HIKESHI: variants seen among roughly 807,000 people sequenced by gnomAD.
HIKESHI encodes protein Hikeshi.
A neutral mutation model predicts 25.7 loss-of-function variants in HIKESHI; 13 were observed. That is an observed-to-expected ratio of 0.51 (90% CI 0.33 to 0.80). The LOEUF is 0.80. Among genes scored for constraint, HIKESHI ranks in the 30% least tolerant of loss-of-function variants. The probability of loss-of-function intolerance (pLI) is 0.02; values close to 1 mark genes in which losing one functional copy is unlikely to be tolerated. For missense variants in HIKESHI, 174 were observed against 229.5 expected (o/e 0.76, Z 1.56); for synonymous variants, 76 against 78.7 (o/e 0.97, Z 0.18).
intron 2 of HIKESHI, among the ~76,000 whole-genome samples, chr11:86,329,115 T>C (rs1396634099): frequency 6.6e-6 from 1 of 152,032 alleles, no homozygotes; most frequent in East Asian, 1.9e-4. Context: ...AGATACATTC[T>C]TATGTTTAGG....
In HIKESHI at chr11:86,306,455, A is replaced by G. The variant is rs140650657; in HGVS notation, c.241A>G (p.Ile81Val). ...GFVTNGKPSA[I>V]FKISGLKSGE... ...TGTCACGAATGGGAAGCCAAGTGCC[A>G]TCTTCAAAATTTCAGGTCTTAAATC... The change falls in exon 2 of 5, where the codon ATC becomes GTC. Residue 81 changes from isoleucine (I) to valine (V), a missense_variant. Physicochemically the swap from Ile to Val is conservative, Grantham distance 29 (BLOSUM62 3). Coordinates refer to ENST00000278483, the MANE Select transcript of HIKESHI (RefSeq NM_016401.4). 12 of 1,610,262 alleles carry G rather than the reference A, an allele frequency of 7.5e-6. No individual in the cohort carries two copies. Among genetic ancestry groups the G allele is most frequent in the Non-Finnish European group, 1.0e-5 (12 of 1,176,858 alleles).
intron 2 of HIKESHI, among the ~76,000 whole-genome samples, chr11:86,312,672 C>A (rs1475533389): frequency 6.6e-6 from 1 of 152,034 alleles, no homozygotes; most frequent in African/African-American, 2.4e-5. Flanking sequence ...TTTACAATTT[C>A]CATGTTTTTG....
chr11:86,327,043 A>G (rs1181570133), intron 2 of HIKESHI, among the ~76,000 whole-genome samples: 1 of 152,180 alleles, frequency 6.6e-6, no homozygotes, highest in African/African-American at 2.4e-5. Context: ...GTGGGTCAAC[A>G]TAGTGAGATC....
intron 2 of HIKESHI, among the ~76,000 whole-genome samples, chr11:86,334,522 A>T (rs1417196749): frequency 1.3e-5 from 2 of 152,154 alleles, no homozygotes; most frequent in Non-Finnish European, 2.9e-5. Context: ...ACTAGGTCAT[A>T]TATTTTGCTT....
chr11:86,336,538 C>T (rs534886563), intron 2 of HIKESHI, among the ~76,000 whole-genome samples: 18 of 152,264 alleles, frequency 1.2e-4, no homozygotes. Flanking sequence ...AATGGTCCTT[C>T]ACCAGATACC....
intron 2 of HIKESHI, among the ~76,000 whole-genome samples, chr11:86,316,149 C>T (rs1463530747): frequency 6.7e-6 from 1 of 150,034 alleles, no homozygotes; most frequent in Non-Finnish European, 1.5e-5. Flanking sequence ...GTGCACCTTC[C>T]CTATCATTAG....
chr11:86,341,108 G>T (rs1262737819), intron 3 of HIKESHI, among the ~76,000 whole-genome samples: 3 of 152,054 alleles, frequency 2.0e-5, no homozygotes, highest in Non-Finnish European at 4.4e-5. Context: ...CTTAAAATCT[G>T]TTAGTTTTTC....
chr11:86,308,388 AAT>A (rs1407048853), intron 2 of HIKESHI, among the ~76,000 whole-genome samples: 1 of 139,982 alleles, frequency 7.1e-6, no homozygotes, highest in African/African-American at 2.6e-5. Flanking sequence ...ATATATAAAA[AAT>A]ATATACACAC....
chr11:86,332,433 A>G (rs984306652), intron 2 of HIKESHI, among the ~76,000 whole-genome samples: 2 of 151,618 alleles, frequency 1.3e-5, no homozygotes, highest in African/African-American at 4.8e-5. Context: ...AACAGAGAGG[A>G]AAAAAAAATA....
intron 2 of HIKESHI, among the ~76,000 whole-genome samples, chr11:86,307,678 A>T (rs1275838081): frequency 2.7e-5 from 1 of 37,358 alleles, no homozygotes; most frequent in African/African-American, 1.2e-4. Context: ...ACATTATATA[A>T]AATATATATT....
intron 2 of HIKESHI, among the ~76,000 whole-genome samples, chr11:86,323,395 T>C (rs1426533315): frequency 2.6e-5 from 4 of 152,160 alleles, no homozygotes; most frequent in African/African-American, 4.8e-5. Flanking sequence ...TAAATACTTA[T>C]ATCTATATAA....
At chr11:86,345,014 C>A (rs1947835932) in intron 4 of HIKESHI, 9 of 603,858 alleles carry the variant, frequency 1.5e-5, no homozygotes, top group Non-Finnish European at 1.9e-5. Context: ...TTAGAAGTAC[C>A]ATCTATGAGA....
chr11:86,344,141 A>G (rs2138437468), intron 3 of HIKESHI: 1 of 152,544 alleles, frequency 6.6e-6, no homozygotes, highest in East Asian at 1.9e-4. Context: ...AGAGATGGTT[A>G]CTATTTTATA....
chr11:86,327,029 T>G (rs1947298894), intron 2 of HIKESHI, among the ~76,000 whole-genome samples: 1 of 152,130 alleles, frequency 6.6e-6, no homozygotes, highest in African/African-American at 2.4e-5. Flanking sequence ...AGTTTGAGAC[T>G]GGCGTGGGTC....
At chr11:86,317,734 G>T (rs935870419) in intron 2 of HIKESHI, among the ~76,000 whole-genome samples, 4 of 151,784 alleles carry the variant, frequency 2.6e-5, no homozygotes, top group Admixed American at 2.0e-4. Context: ...GAGCCAGGGA[G>T]GCAGAGGTTG....
intron 2 of HIKESHI, among the ~76,000 whole-genome samples, chr11:86,331,680 A>G (rs1021978679): frequency 6.6e-6 from 1 of 152,204 alleles, no homozygotes; most frequent in Non-Finnish European, 1.5e-5. Flanking sequence ...CCTTTCAGAC[A>G]TACTATGGTA....
intron 1 of HIKESHI, among the ~76,000 whole-genome samples, chr11:86,305,564 TTAG>T (rs1449472776): frequency 6.6e-6 from 1 of 151,310 alleles, no homozygotes; most frequent in Admixed American, 6.6e-5. Flanking sequence ...TTTCGTATTT[TTAG>T]TAGAAATGGG....
intron 2 of HIKESHI, among the ~76,000 whole-genome samples, chr11:86,306,795 G>A (rs954072375): frequency 2.6e-5 from 4 of 151,262 alleles, no homozygotes; most frequent in Admixed American, 2.0e-4. Context: ...TCAGGAGATC[G>A]AGACCATCCT....
At chr11:86,340,823 T>G (rs1947705406) in intron 3 of HIKESHI, among the ~76,000 whole-genome samples, 1 of 152,156 alleles carries the variant, frequency 6.6e-6, no homozygotes, top group African/African-American at 2.4e-5. Flanking sequence ...TTTTGTATTT[T>G]TAGTAAAGAT....
Sources: gnomAD v4.1 joint callset for allele counts (sites outside exome capture counted in the v4.1 genomes callset) on GRCh38, gnomAD v4.1.1 for gene constraint, MANE v1.5 for transcripts, NCBI Gene and HGNC (gene_info 2026-07-23, HGNC 2026-07-21) for gene names.